DZIP3: variants seen among roughly 807,000 people sequenced by gnomAD.
The protein encoded by DZIP3 is DAZ interacting zinc finger protein 3.
In DZIP3, 118 loss-of-function variants were observed where a neutral mutation model predicts 162.0. The observed-to-expected ratio is 0.73, with a 90% CI of 0.63 to 0.85. The LOEUF is 0.85. Ranked by LOEUF, DZIP3 falls within the 40% of genes least tolerant of loss-of-function variation. DZIP3 has a pLI of 0.00. For missense variants in DZIP3, 1,331 were observed against 1,407.0 expected (o/e 0.95, Z 0.86); for synonymous variants, 438 against 458.6 (o/e 0.96, Z 0.57).
At chr3:108,618,978 T>C in intron 5 of DZIP3, among the ~76,000 whole-genome samples, 1 of 133,718 alleles carries the variant, frequency 7.5e-6, no homozygotes, top group Non-Finnish European at 1.5e-5. Flanking sequence ...GGAGAATCAA[T>C]TGAACCCAGG....
chr3:108,604,238 A>G (rs1940195308), intron 1 of DZIP3, among the ~76,000 whole-genome samples: 1 of 152,220 alleles, frequency 6.6e-6, no homozygotes, highest in Non-Finnish European at 1.5e-5. Flanking sequence ...TTCAGAGACA[A>G]CAAATGAGAA....
At chr3:108,593,817 G>T (rs1009149044) in intron 1 of DZIP3, among the ~76,000 whole-genome samples, 3 of 151,244 alleles carry the variant, frequency 2.0e-5, no homozygotes, top group African/African-American at 7.3e-5. Context: ...GGCATGCCCC[G>T]CTATGCCAGG....
rs570239912 is a variant in DZIP3, at chr3:108,614,783, T to C, written c.259-1758T>C. On this transcript the variant is annotated intron_variant, in intron 4 of 32. Coordinates refer to ENST00000361582, the MANE Select transcript of DZIP3 (RefSeq NM_014648.4). ...CCTCTTCCCTTGAGTTGGTTAATACTGAGGTTTGTATTTTTGAGTTTTCCA... is the reference window on the plus strand; with the variant it reads ...CCTCTTCCCTTGAGTTGGTTAATACCGAGGTTTGTATTTTTGAGTTTTCCA... Among the ~76,000 whole-genome samples the C allele has an allele frequency of 2.6e-5, 4 of 152,330 alleles. No individual in the cohort carries two copies. In the East Asian group the frequency reaches 5.8e-4, roughly 22 times the overall value.
At chr3:108,617,374 C>A (rs1340733642) in intron 5 of DZIP3, among the ~76,000 whole-genome samples, 1 of 151,810 alleles carries the variant, frequency 6.6e-6, no homozygotes. Context: ...TAAATATATA[C>A]AATTTTTATT....
At chr3:108,670,468 C>T (rs1218851669) in intron 22 of DZIP3, among the ~76,000 whole-genome samples, 1 of 151,892 alleles carries the variant, frequency 6.6e-6, no homozygotes. Context: ...TGTATCATTA[C>T]TCATACCTTT....
chr3:108,607,638 TA>T (rs1236574210), intron 2 of DZIP3, among the ~76,000 whole-genome samples: 1 of 152,176 alleles, frequency 6.6e-6, no homozygotes, highest in Non-Finnish European at 1.5e-5. Context: ...TTTCCTCAGT[TA>T]AAAATATTTT....
intron 26 of DZIP3, 34 bp from the exon 27 acceptor site, chr3:108,684,182 T>C (rs777203954): frequency 2.0e-6 from 3 of 1,476,938 alleles, no homozygotes; most frequent in South Asian, 2.8e-5. Flanking sequence ...TGGGGGGGGG[T>C]GTTGTTTATT....
rs1559790710 is a variant in DZIP3 at position 108,690,715 on chromosome 3, T to A, written c.3517-72T>A. 9.4e-6 allele frequency: 13 copies of A among 1,375,880 alleles called. No homozygotes were observed. In the South Asian group the frequency reaches 1.3e-4, roughly 14 times the overall value. The allele number at this position is 1,375,880 out of a possible 1,614,324, so 85.2% of individuals were successfully genotyped here. A position where few individuals can be genotyped will look rare whatever the true frequency, so the allele number is the denominator to read the frequency against. ...CAGAAGACATGTTGGTTGGTAACCC[T>A]GATGCATAGAGTGACAACTGCCTCT... On this transcript the variant is annotated intron_variant, in intron 31 of 32. Coordinates refer to ENST00000361582, the MANE Select transcript of DZIP3 (RefSeq NM_014648.4).
Position 108,644,432 on chromosome 3 carries a change from G to C in DZIP3, c.1410G>C (p.Leu470=), listed in dbSNP as rs1255642898. 2 of 1,614,026 alleles carry C rather than the reference G, an allele frequency of 1.2e-6. No individual in the cohort carries two copies. Among genetic ancestry groups the C allele is most frequent in the Non-Finnish European group, 1.7e-6 (2 of 1,179,968 alleles). ...PQSKQFDLCL[L]LALIKHLNVF... is the part of the protein sequence containing the mutation. ...CCAAACAGTTTGACTTATGCCTCCT[G>C]TTAGCTCTTATAAAACATTTAAATG... is the stretch of plus-strand genomic sequence containing the variant. The change falls in exon 14 of 33, where the codon CTG becomes CTC. Residue 470 remains leucine (L), a synonymous_variant. Coordinates refer to ENST00000361582, the MANE Select transcript of DZIP3 (RefSeq NM_014648.4).
chr3:108,664,166 G>T (rs1391422882), intron 21 of DZIP3, among the ~76,000 whole-genome samples: 1 of 152,082 alleles, frequency 6.6e-6, no homozygotes, highest in African/African-American at 2.4e-5. Flanking sequence ...CATATATCTC[G>T]GGACACTGCA....
At chr3:108,607,666 G>T (rs555668541) in intron 2 of DZIP3, among the ~76,000 whole-genome samples, 19 of 152,246 alleles carry the variant, frequency 1.2e-4, no homozygotes, top group Admixed American at 4.6e-4. Flanking sequence ...CTGGACAATT[G>T]TAAGTTTAGG....
intron 10 of DZIP3, 121 bp from the exon 11 acceptor site, chr3:108,636,495 T>C: frequency 1.8e-6 from 1 of 568,758 alleles, no homozygotes; most frequent in Non-Finnish European, 2.9e-6. Context: ...ATGTCAAATA[T>C]TCACATCTTC....
At chr3:108,621,748 C>T (rs1941358969) in intron 5 of DZIP3, among the ~76,000 whole-genome samples, 1 of 152,152 alleles carries the variant, frequency 6.6e-6, no homozygotes, top group Admixed American at 6.5e-5. Flanking sequence ...CCAGCAATCC[C>T]ACTGCTGGGA....
At chr3:108,632,752 T>A (rs1941946971) in intron 8 of DZIP3, among the ~76,000 whole-genome samples, 1 of 152,200 alleles carries the variant, frequency 6.6e-6, no homozygotes, top group South Asian at 2.1e-4. Context: ...ATCCCGTACT[T>A]CTAATTTAGG....
At chr3:108,640,054 C>G (rs920486585) in intron 12 of DZIP3, among the ~76,000 whole-genome samples, 1 of 151,822 alleles carries the variant, frequency 6.6e-6, no homozygotes, top group East Asian at 1.9e-4. Context: ...TGTTTAATTG[C>G]CAAATGTTTG....
chr3:108,595,616 G>A (rs949181013), intron 1 of DZIP3, among the ~76,000 whole-genome samples: 3 of 152,178 alleles, frequency 2.0e-5, no homozygotes, highest in Non-Finnish European at 4.4e-5. Context: ...ACACTTGCTC[G>A]GCATCTTGTA....
At chr3:108,601,416 A>G (rs1940009277) in intron 1 of DZIP3, among the ~76,000 whole-genome samples, 1 of 152,198 alleles carries the variant, frequency 6.6e-6, no homozygotes, top group Non-Finnish European at 1.5e-5. Context: ...AGAGAGCCTG[A>G]TATACTGGGC....
intron 16 of DZIP3, 140 bp downstream of exon 16, chr3:108,648,252 C>T (rs75702132): frequency 0.06 from 41,337 of 693,050 alleles, 5,008 homozygotes; most frequent in East Asian, 0.52. Flanking sequence ...TTGGAATGGT[C>T]CTTTCCTTCC....
chr3:108,659,386 C>T (rs1382341008), intron 19 of DZIP3, among the ~76,000 whole-genome samples: 1 of 152,140 alleles, frequency 6.6e-6, no homozygotes, highest in East Asian at 1.9e-4. Context: ...AAGACAAAAA[C>T]CACATGATAT....
Sources: gnomAD v4.1 joint callset for allele counts (sites outside exome capture counted in the v4.1 genomes callset) on GRCh38, gnomAD v4.1.1 for gene constraint, MANE v1.5 for transcripts, NCBI Gene and HGNC (gene_info 2026-07-23, HGNC 2026-07-21) for gene names.